Variants in SCHIP1 observed in about 807,000 individuals in gnomAD.
The protein encoded by SCHIP1 is schwannomin-interacting protein 1.
A neutral mutation model predicts 29.7 loss-of-function variants in SCHIP1; 8 were observed. That is an observed-to-expected ratio of 0.27 (90% CI 0.16 to 0.49). The LOEUF (loss-of-function observed/expected upper bound fraction) is 0.49. Ranked by LOEUF, SCHIP1 falls within the 20% of genes least tolerant of loss-of-function variation. The pLI is 0.99. For missense variants in SCHIP1, 193 were observed against 294.6 expected (o/e 0.66, Z 2.52); for synonymous variants, 76 against 94.9 (o/e 0.80, Z 1.16).
rs750901202 is a variant in SCHIP1 at position 159,875,027 on chromosome 3, AAAAAAC to A, written c.149+8753_149+8758del. On this transcript the variant is annotated intron_variant, in intron 2 of 6. Transcript: ENST00000445224. ...AGGCCACTGGGTAGTCTAAAAAAAA[AAAAAAC>A]AAAAACTATCATTTTTTATGCCCCT... Among the ~76,000 whole-genome samples, 685 of 151,384 alleles carry A rather than the reference AAAAAAC, an allele frequency of 4.5e-3. 8 individuals carry two copies. The highest frequency in any genetic ancestry group is 0.017 in the South Asian group (79 of 4,774).
At chr3:159,661,169 A>G in the SCHIP1 span, among the ~76,000 whole-genome samples, 2 of 152,178 alleles carry the variant, frequency 1.3e-5, no homozygotes, top group African/African-American at 4.8e-5. Flanking sequence ...TCACAAAGCT[A>G]TCTAAGATTC....
exon 7 of SCHIP1, chr3:159,896,744 G>T: frequency 6.2e-7 from 1 of 1,607,830 alleles, no homozygotes; most frequent in Non-Finnish European, 8.5e-7. Context: ...GTCAGCAGAA[G>T]CACATGGCAG....
At chr3:159,432,337 TGTGAGA>T in the SCHIP1 span, among the ~76,000 whole-genome samples, 559 of 70,580 alleles carry the variant, frequency 7.9e-3, 3 homozygotes, top group Non-Finnish European at 0.014. Context: ...TGTGTGTGTG[TGTGAGA>T]GAGAGAGAGA....
the SCHIP1 span, among the ~76,000 whole-genome samples, chr3:159,681,535 C>T: frequency 1.6e-4 from 25 of 152,200 alleles, no homozygotes; most frequent in African/African-American, 5.8e-4. Context: ...AAGTTTGTAT[C>T]CTTAAGGTTT....
chr3:159,651,498 C>G, the SCHIP1 span, among the ~76,000 whole-genome samples: 1 of 152,188 alleles, frequency 6.6e-6, no homozygotes. Context: ...AGCACAACAT[C>G]TTAAGCAGTT....
At chr3:159,714,840 G>T in the SCHIP1 span, among the ~76,000 whole-genome samples, 1 of 152,198 alleles carries the variant, frequency 6.6e-6, no homozygotes, top group African/African-American at 2.4e-5. Context: ...TGAACAAAAG[G>T]AGGCAAAACT....
chr3:159,864,982 T>C (rs1407816107), intron 1 of SCHIP1, among the ~76,000 whole-genome samples: 3 of 152,184 alleles, frequency 2.0e-5, no homozygotes, highest in Non-Finnish European at 4.4e-5. Context: ...CTTAACCTAT[T>C]GTATACTGTC....
intron 4 of SCHIP1, 45 bp downstream of exon 5, chr3:159,887,950 A>G (rs764545273): frequency 7.5e-6 from 12 of 1,607,182 alleles, no homozygotes; most frequent in Non-Finnish European, 1.0e-5. Flanking sequence ...TGGGAGCCAG[A>G]AATGGTTGAC....
chr3:159,573,733 C>G, the SCHIP1 span, among the ~76,000 whole-genome samples: 1 of 152,180 alleles, frequency 6.6e-6, no homozygotes, highest in African/African-American at 2.4e-5. Flanking sequence ...CTCCTCATCA[C>G]TTTCAGATAA....
At chr3:159,437,836 G>T in the SCHIP1 span, among the ~76,000 whole-genome samples, 1 of 152,122 alleles carries the variant, frequency 6.6e-6, no homozygotes. Context: ...TGGAATCTTT[G>T]AGAAAGATAC....
chr3:159,523,492 A>G, the SCHIP1 span, among the ~76,000 whole-genome samples: 1 of 152,210 alleles, frequency 6.6e-6, no homozygotes, highest in Admixed American at 6.5e-5. Flanking sequence ...TTGTCTTTTA[A>G]AAAGTAAGTA....
upstream of SCHIP1, among the ~76,000 whole-genome samples, chr3:159,835,644 G>A (rs1356381002): frequency 1.3e-5 from 2 of 152,118 alleles, no homozygotes; most frequent in African/African-American, 2.4e-5. Flanking sequence ...TAAATTTTAT[G>A]TACAAAGAAA....
chr3:159,751,300 A>G, the SCHIP1 span, among the ~76,000 whole-genome samples: 1 of 152,246 alleles, frequency 6.6e-6, no homozygotes, highest in South Asian at 2.1e-4. Flanking sequence ...AATATGCAAC[A>G]GAGACCATAT....
intron 2 of SCHIP1, among the ~76,000 whole-genome samples, chr3:159,872,824 T>C (rs189567101): frequency 6.6e-6 from 1 of 152,316 alleles, no homozygotes; most frequent in African/African-American, 2.4e-5. Flanking sequence ...CAGTTGCAAT[T>C]GTGTAACCCA....
chr3:159,814,292 G>A, the SCHIP1 span, among the ~76,000 whole-genome samples: 2 of 152,214 alleles, frequency 1.3e-5, no homozygotes, highest in East Asian at 3.8e-4. Flanking sequence ...GTTTGCAGCT[G>A]CATCAGAATT....
chr3:159,604,980 G>A, the SCHIP1 span, among the ~76,000 whole-genome samples: 3 of 152,172 alleles, frequency 2.0e-5, no homozygotes, highest in African/African-American at 7.2e-5. Flanking sequence ...AATGACATTT[G>A]CTAACAGAGC....
the SCHIP1 span, among the ~76,000 whole-genome samples, chr3:159,815,873 C>T: frequency 6.6e-6 from 1 of 152,152 alleles, no homozygotes; most frequent in Admixed American, 6.5e-5. Flanking sequence ...CCAGATGCCA[C>T]CCCCGTTCTG....
the SCHIP1 span, among the ~76,000 whole-genome samples, chr3:159,411,519 A>G: frequency 2.0e-5 from 3 of 152,184 alleles, no homozygotes; most frequent in Non-Finnish European, 4.4e-5. Flanking sequence ...AAATAAGTCA[A>G]AAATTATGTT....
chr3:159,867,750 CT>C (rs1424192191), intron 2 of SCHIP1, among the ~76,000 whole-genome samples: 1 of 152,068 alleles, frequency 6.6e-6, no homozygotes, highest in Non-Finnish European at 1.5e-5. Context: ...TCCTAGTACA[CT>C]TCTAATTTTG....
Sources: allele counts gnomAD v4.1 joint callset (sites outside exome capture counted in the v4.1 genomes callset), GRCh38; gene constraint gnomAD v4.1.1; transcripts MANE v1.5; gene names NCBI Gene and HGNC (gene_info 2026-07-23, HGNC 2026-07-21).